PRDM15: variants seen among roughly 807,000 people sequenced by gnomAD.
PRDM15 encodes the protein PR domain zinc finger protein 15.
A neutral mutation model predicts 128.6 loss-of-function variants in PRDM15; 64 were observed. The ratio of observed to expected loss-of-function variants is 0.50; its 90% CI spans 0.41 to 0.61. PRDM15 has a LOEUF of 0.61. Among genes scored for constraint, PRDM15 ranks in the 20% least tolerant of loss-of-function variants. The probability of loss-of-function intolerance (pLI) is 0.00; values close to 1 mark genes in which losing one functional copy is unlikely to be tolerated. For missense variants in PRDM15, 1,242 were observed against 1,569.1 expected (o/e 0.79, Z 3.52); for synonymous variants, 615 against 621.8 (o/e 0.99, Z 0.16).
At position 41,810,474 on chromosome 21, in the gene PRDM15, C is replaced by T. The variant is rs188134201; in HGVS notation, c.2477-145G>A. 9.0e-5 allele frequency: 80 copies of T among 885,466 alleles called. 1 individual carries two copies. In the African/African-American group the frequency reaches 1.2e-3, roughly 13 times the overall value. 54.9% of individuals were successfully genotyped at this position (885,466 alleles called of 1,614,324 possible). A position where few individuals can be genotyped will look rare whatever the true frequency, so the allele number is the denominator to read the frequency against. On this transcript the variant is annotated intron_variant, in intron 20 of 23. Coordinates refer to ENST00000398548, the MANE Select transcript of PRDM15 (RefSeq NM_001040424.3). The surrounding 1 kb of genome is among the most constrained non-coding windows in gnomAD (Gnocchi z 6.4). ...CCATCCTGAGAGGGCCGGTGCTGGT[C>T]CCCGAGCACACATGAGCACAGAGCC...
rs1200324179 is a variant in PRDM15, at chr21:41,799,682, C to T, written c.*1558G>A. ...GTTGCGTTTTGAAAAACACAATCAT[C>T]CTTTGTTCTGCTGGCAACATCAGGA... On this transcript the variant is annotated 3_prime_UTR_variant, in exon 24 of 24. Transcript: ENST00000398548. 1 of 152,468 alleles carries T rather than the reference C, an allele frequency of 6.6e-6. No individual in the cohort carries two copies. Among genetic ancestry groups the T allele is most frequent in the Non-Finnish European group, 1.5e-5 (1 of 68,048 alleles). The allele number at this position is 152,468 out of a possible 1,614,324, so 9.4% of individuals were successfully genotyped here.
chr21:41,819,558 C>T, intron 18 of PRDM15, 24 bp downstream of exon 18: 1 of 1,607,414 alleles, frequency 6.2e-7, no homozygotes, highest in Non-Finnish European at 8.5e-7. Flanking sequence ...GAGCCTGGCC[C>T]ATGTCCCCAG....
intron 4 of PRDM15, among the ~76,000 whole-genome samples, chr21:41,856,246 T>C (rs1225735939): frequency 7.2e-5 from 3 of 41,502 alleles, no homozygotes; most frequent in East Asian, 7.8e-4. Flanking sequence ...CCTTCCTTCC[T>C]TCCCTCCCTC....
chr21:41,801,747 A>G, intron 23 of PRDM15, 25 bp from the exon 24 acceptor site: 2 of 1,594,854 alleles, frequency 1.3e-6, no homozygotes, highest in Non-Finnish European at 1.7e-6. Context: ...CACAACAAAA[A>G]TCCGTTCATT....
chr21:41,819,474 C>A, intron 18 of PRDM15, 108 bp downstream of exon 18: 1 of 831,088 alleles, frequency 1.2e-6, no homozygotes, highest in South Asian at 1.8e-5. Flanking sequence ...CCGCCCCCGC[C>A]ACACCCACCT....
At chr21:41,829,655 AACACATACCACACATACACCCCAAATAT>A (rs1252110672) in intron 11 of PRDM15, among the ~76,000 whole-genome samples, 8 of 151,300 alleles carry the variant, frequency 5.3e-5, no homozygotes, top group Non-Finnish European at 1.0e-4. Context: ...AAATACATTC[AACACATACCACACATACACCCCAAATAT>A]ACACACACCA....
At position 41,810,940 on chromosome 21, in the gene PRDM15, A is replaced by T. The variant is rs28461265; in HGVS notation, c.2393-104T>A. The T allele has an allele frequency of 0.35, 331,165 of 959,304 alleles. 58,537 individuals carry two copies. The highest frequency in any genetic ancestry group is 0.42 in the Admixed American group (22,292 of 52,676). The allele number at this position is 959,304 out of a possible 1,614,324, so 59.4% of individuals were successfully genotyped here. ...ACGTTCCAGGCACTGTAGGGCCTTC[A>T]GGAGAAGGTGAATTGCAAGAAGACA... On this transcript the variant is annotated intron_variant, in intron 19 of 23. Transcript: ENST00000398548. This position sits in a 1 kb window ranked among gnomAD's most constrained non-coding sequence, Gnocchi z 6.4.
At chr21:41,876,469 G>A (rs565392651) in intron 1 of PRDM15, among the ~76,000 whole-genome samples, 70 of 152,210 alleles carry the variant, frequency 4.6e-4, no homozygotes, top group African/African-American at 1.3e-3. Flanking sequence ...TGTCATCAAC[G>A]ATCACCATGA....
intron 1 of PRDM15, among the ~76,000 whole-genome samples, chr21:41,865,893 C>T (rs547845582): frequency 2.0e-4 from 30 of 152,248 alleles, no homozygotes; most frequent in Admixed American, 6.5e-4. Flanking sequence ...TACAGGCACG[C>T]ACCACCATGC....
At chr21:41,855,907 T>C (rs1245056890) in intron 4 of PRDM15, among the ~76,000 whole-genome samples, 1 of 31,664 alleles carries the variant, frequency 3.2e-5, no homozygotes, top group Non-Finnish European at 5.9e-5. Flanking sequence ...CCTTCCTTCC[T>C]TTCCTTCCCT....
chr21:41,845,562 G>C (rs1248823398), intron 6 of PRDM15, among the ~76,000 whole-genome samples: 1 of 151,828 alleles, frequency 6.6e-6, no homozygotes, highest in Non-Finnish European at 1.5e-5. Context: ...CAGCCCTCAA[G>C]GCTGCCGTGC....
chr21:41,876,528 C>T (rs757536284), intron 1 of PRDM15, among the ~76,000 whole-genome samples: 10 of 152,194 alleles, frequency 6.6e-5, no homozygotes, highest in African/African-American at 9.7e-5. Flanking sequence ...CTGTGGCCCA[C>T]GGGGGAGCCA....
At chr21:41,818,144 A>G (rs1357533421) in intron 18 of PRDM15, among the ~76,000 whole-genome samples, 1 of 152,136 alleles carries the variant, frequency 6.6e-6, no homozygotes, top group Non-Finnish European at 1.5e-5. Flanking sequence ...TAAACATTTT[A>G]CTTCTTGGGG....
rs553139977 is a variant in PRDM15, at chr21:41,810,336, A to G, written c.2477-7T>C. 2.5e-6 allele frequency: 4 copies of G among 1,609,904 alleles called. No homozygotes were observed. The highest frequency in any genetic ancestry group is 1.7e-5 in the Admixed American group (1 of 59,918). ...CACGTCCACTGCTTGCCCACTTTTC[A>G]CACACACGCAGACACACATGCGCGT... On this transcript the variant is annotated splice_region_variant and splice_polypyrimidine_tract_variant and intron_variant, in intron 20 of 23. Transcript: ENST00000398548. This position sits in a 1 kb window ranked among gnomAD's most constrained non-coding sequence, Gnocchi z 6.4.
intron 11 of PRDM15, chr21:41,834,556 C>A: frequency 6.5e-7 from 1 of 1,549,616 alleles, no homozygotes; most frequent in Non-Finnish European, 8.7e-7. Context: ...CCAGGGTGTG[C>A]TATGAGTCCT....
intron 21 of PRDM15, 102 bp from the exon 22 acceptor site, chr21:41,804,716 C>A: frequency 1.1e-5 from 9 of 799,034 alleles, no homozygotes; most frequent in South Asian, 1.8e-5. Context: ...CCACTCCTGC[C>A]CTTCCCTCCC....
intron 5 of PRDM15, among the ~76,000 whole-genome samples, chr21:41,849,754 T>C (rs2146741223): frequency 6.6e-6 from 1 of 152,178 alleles, no homozygotes; most frequent in East Asian, 1.9e-4. Context: ...CTGGCCAACA[T>C]GGCAAAACCC....
chr21:41,819,984 G>A, intron 17 of PRDM15, 111 bp downstream of exon 17: 1 of 918,888 alleles, frequency 1.1e-6, no homozygotes, highest in South Asian at 1.5e-5. Flanking sequence ...AAGGCATGGG[G>A]GAGGCAAGGT....
Position 41,819,634 on chromosome 21 carries a change from G to A in PRDM15, c.2208C>T (p.His736=), listed in dbSNP as rs775603748. 1.2e-6 allele frequency: 2 copies of A among 1,611,824 alleles called. No homozygotes were observed. Among genetic ancestry groups the A allele is most frequent in the Non-Finnish European group, 1.7e-6 (2 of 1,179,486 alleles). The change falls in exon 18 of 24, where the codon CAC becomes CAT. Residue 736 remains histidine (H), a synonymous_variant. Coordinates refer to ENST00000398548, the MANE Select transcript of PRDM15 (RefSeq NM_001040424.3). ...SFARKDMLKE[H]MRVHDNVREY... ...CGCGGACATTGTCGTGCACACGCAT[G>A]TGCTCCTTCAGCATGTCCTTCCTGG...
Sources: gnomAD v4.1 joint callset for allele counts (sites outside exome capture counted in the v4.1 genomes callset) on GRCh38, gnomAD v4.1.1 for gene constraint, Gnocchi (gnomAD v3.1) non-coding constraint, MANE v1.5 for transcripts, NCBI Gene and HGNC (gene_info 2026-07-23, HGNC 2026-07-21) for gene names.